The following ADGRL3 variants were observed in gnomAD, a reference collection of about 807,000 sequenced individuals.
The protein encoded by ADGRL3 is adhesion G protein-coupled receptor L3.
A neutral mutation model predicts 153.5 loss-of-function variants in ADGRL3; 62 were observed. The ratio of observed to expected loss-of-function variants is 0.40; its 90% CI spans 0.33 to 0.50. ADGRL3 has a LOEUF of 0.50. Among genes scored for constraint, ADGRL3 ranks in the 20% least tolerant of loss-of-function variants. ADGRL3 has a pLI of 0.47. For missense variants in ADGRL3, 1,641 were observed against 1,859.4 expected, an observed-to-expected ratio of 0.88 and a Z score of 2.16; for synonymous variants, 710 against 672.5, an observed-to-expected ratio of 1.06 and a Z score of -0.86.
intron 1 of ADGRL3, among the ~76,000 whole-genome samples, chr4:61,347,941 A>T (rs1462587086): frequency 6.6e-6 from 1 of 152,100 alleles, no homozygotes; most frequent in Non-Finnish European, 1.5e-5. Flanking sequence ...ATTTCTTAAA[A>T]CAGACTCTCT....
intron 5 of ADGRL3, among the ~76,000 whole-genome samples, chr4:61,644,986 A>T (rs950259082): frequency 6.6e-5 from 10 of 152,074 alleles, no homozygotes; most frequent in African/African-American, 2.4e-4. Context: ...GGGTGCATAT[A>T]TATTTAGGAT....
chr4:61,817,120 G>A (rs2097696382), intron 9 of ADGRL3, among the ~76,000 whole-genome samples: 1 of 151,502 alleles, frequency 6.6e-6, no homozygotes, highest in South Asian at 2.1e-4. Context: ...GGTTTGGGGG[G>A]CTGAAGGTAG....
chr4:61,619,963 T>A, intron 5 of ADGRL3, among the ~76,000 whole-genome samples: 1 of 152,066 alleles, frequency 6.6e-6, no homozygotes, highest in East Asian at 1.9e-4. Flanking sequence ...TCTGGGAGTT[T>A]TTGTAAGTAA....
intron 8 of ADGRL3, among the ~76,000 whole-genome samples, chr4:61,780,810 A>C (rs757913542): frequency 2.6e-5 from 4 of 152,176 alleles, no homozygotes; most frequent in Non-Finnish European, 4.4e-5. Flanking sequence ...GAAAGTAGGG[A>C]ACCAGAGATC....
intron 1 of ADGRL3, among the ~76,000 whole-genome samples, chr4:61,308,136 A>C (rs1222307226): frequency 6.6e-6 from 1 of 152,180 alleles, no homozygotes; most frequent in Non-Finnish European, 1.5e-5. Flanking sequence ...TGAGAAAGGG[A>C]AAGGACCCAG....
chr4:61,629,149 T>C (rs1345067183), intron 5 of ADGRL3, among the ~76,000 whole-genome samples: 2 of 152,158 alleles, frequency 1.3e-5, no homozygotes, highest in African/African-American at 4.8e-5. Context: ...CCTCTTTCGC[T>C]TAAAAGTACT....
In ADGRL3 at chr4:61,769,969, G is replaced by A. The variant is rs529989081; in HGVS notation, c.1399+36415G>A. Among the ~76,000 whole-genome samples, 47 of 152,254 alleles carry A rather than the reference G, an allele frequency of 3.1e-4. 1 individual carries two copies. The Middle Eastern group carries it at 0.01, about 33-fold the overall frequency. ...TTTAGTTACTTCAGGCCATCTGGGC[G>A]TACAGGTGCAGGTCACAGGGGATAC... On this transcript the variant is annotated intron_variant, in intron 8 of 26. Transcript: ENST00000683033.
intron 25 of ADGRL3, among the ~76,000 whole-genome samples, chr4:62,055,055 G>A (rs1052503880): frequency 1.4e-4 from 21 of 151,724 alleles, no homozygotes; most frequent in African/African-American, 5.1e-4. Flanking sequence ...TAGGCAATAT[G>A]TTACTTCAAT....
intron 21 of ADGRL3, among the ~76,000 whole-genome samples, chr4:62,007,398 ATATATATACACG>A (rs1343510184): frequency 8.5e-6 from 1 of 117,940 alleles, no homozygotes; most frequent in African/African-American, 3.2e-5. Context: ...ACACACACAT[ATATATATACACG>A]TATATATATA....
At chr4:61,887,046 G>A (rs1273857758) in intron 9 of ADGRL3, among the ~76,000 whole-genome samples, 2 of 151,128 alleles carry the variant, frequency 1.3e-5, no homozygotes, top group Non-Finnish European at 2.9e-5. Flanking sequence ...TTTATTTTTA[G>A]TAGAGATGGG....
chr4:61,643,431 T>A (rs1407488342), intron 5 of ADGRL3, among the ~76,000 whole-genome samples: 2 of 151,836 alleles, frequency 1.3e-5, no homozygotes, highest in Non-Finnish European at 2.9e-5. Flanking sequence ...GGGTTTTTCA[T>A]AGATAGCTCT....
chr4:61,529,002 G>C (rs1009536770), intron 4 of ADGRL3, among the ~76,000 whole-genome samples: 1 of 152,002 alleles, frequency 6.6e-6, no homozygotes, highest in Non-Finnish European at 1.5e-5. Context: ...ACTCATTATG[G>C]TCATAATGAT....
chr4:61,300,360 G>A (rs1233756142), intron 1 of ADGRL3, among the ~76,000 whole-genome samples: 1 of 152,208 alleles, frequency 6.6e-6, no homozygotes, highest in African/African-American at 2.4e-5. Context: ...TCTAATGAAT[G>A]CCAAGCTTAA....
chr4:61,929,590 A>C (rs2098808843), intron 13 of ADGRL3, among the ~76,000 whole-genome samples: 1 of 152,198 alleles, frequency 6.6e-6, no homozygotes, highest in Non-Finnish European at 1.5e-5. Flanking sequence ...CTGCATGGCA[A>C]ATCCCTCAGC....
intron 15 of ADGRL3, among the ~76,000 whole-genome samples, chr4:61,945,908 C>T (rs916275888): frequency 9.9e-5 from 15 of 152,144 alleles, no homozygotes; most frequent in African/African-American, 3.4e-4. Context: ...GCGTCGCTCA[C>T]GCTGGGAGCT....
chr4:62,045,494 GT>G (rs1304332390), intron 25 of ADGRL3, among the ~76,000 whole-genome samples: 2 of 151,840 alleles, frequency 1.3e-5, no homozygotes, highest in Non-Finnish European at 2.9e-5. Context: ...ATTTCTGTTA[GT>G]TTTTTGTTAT....
At chr4:61,209,536 G>A (rs908601570) in intron 1 of ADGRL3, among the ~76,000 whole-genome samples, 3 of 152,078 alleles carry the variant, frequency 2.0e-5, no homozygotes, top group Admixed American at 2.0e-4. Flanking sequence ...GATGAGCTAG[G>A]AAAATCAATA....
chr4:61,224,907 G>C (rs904097094), intron 1 of ADGRL3, among the ~76,000 whole-genome samples: 1 of 152,094 alleles, frequency 6.6e-6, no homozygotes, highest in Non-Finnish European at 1.5e-5. Flanking sequence ...AAAAGGAGAG[G>C]GTCCTCTTAT....
rs1233438650 is a variant in ADGRL3 at position 61,730,604 on chromosome 4, CT to C, written c.584-16del. On this transcript the variant is annotated splice_polypyrimidine_tract_variant and intron_variant, in intron 6 of 26. Transcript: ENST00000683033. Reference sequence around the variant, plus strand: ...TTCTCTTTTCTCCTTTCTCTCTTTACTTCTCTCTCTCCAATAGAAGTGGAAC... The same window carrying C: ...TTCTCTTTTCTCCTTTCTCTCTTTACTCTCTCTCTCCAATAGAAGTGGAAC... 9 of 536,010 alleles carry C rather than the reference CT, an allele frequency of 1.7e-5. No homozygotes were observed. Among genetic ancestry groups the C allele is most frequent in the Admixed American group, 1.5e-4 (4 of 27,396 alleles). The allele number at this position is 536,010 out of a possible 1,614,324, so 33.2% of individuals were successfully genotyped here.
Sources: allele counts gnomAD v4.1 joint callset (sites outside exome capture counted in the v4.1 genomes callset), GRCh38; gene constraint gnomAD v4.1.1; transcripts MANE v1.5; gene names NCBI Gene and HGNC (gene_info 2026-07-23, HGNC 2026-07-21).